TDRD1: variants seen among roughly 807,000 people sequenced by gnomAD.
TDRD1 encodes tudor domain containing 1.
Under a neutral mutation model 140.6 loss-of-function variants are expected in TDRD1, and 37 were observed. The observed-to-expected ratio is 0.26, with a 90% CI of 0.20 to 0.35. The LOEUF (loss-of-function observed/expected upper bound fraction) is 0.35, where lower values mean the gene tolerates loss of function less well. Among genes scored for constraint, TDRD1 ranks in the 10% least tolerant of loss-of-function variants. TDRD1 has a pLI of 1.00. For synonymous variants in TDRD1, 506 were observed against 475.7 expected, an observed-to-expected ratio of 1.06 and a Z score of -0.83; for missense variants, 1,243 against 1,393.0, an observed-to-expected ratio of 0.89 and a Z score of 1.71.
At chr10:114,213,920 C>T in intron 15 of TDRD1, 57 bp from the exon 16 acceptor site, 1 of 1,582,912 alleles carries the variant, frequency 6.3e-7, no homozygotes, top group East Asian at 2.2e-5. Context: ...TCAGCCACCC[C>T]AACCTCGCTA....
At chr10:114,230,434 TCA>T (rs1482346859) in intron 25 of TDRD1, among the ~76,000 whole-genome samples, 1 of 152,226 alleles carries the variant, frequency 6.6e-6, no homozygotes, top group Non-Finnish European at 1.5e-5. Flanking sequence ...TTACATCTAC[TCA>T]CATACTTAAT....
At chr10:114,185,211 A>G (rs1236582257) in intron 1 of TDRD1, among the ~76,000 whole-genome samples, 1 of 152,120 alleles carries the variant, frequency 6.6e-6, no homozygotes, top group Non-Finnish European at 1.5e-5. Flanking sequence ...TGTTTTTGAG[A>G]CAGAGTCTCA....
At chr10:114,226,595 G>A (rs937208780) in intron 22 of TDRD1, among the ~76,000 whole-genome samples, 24 of 152,224 alleles carry the variant, frequency 1.6e-4, no homozygotes, top group Admixed American at 2.6e-4. Context: ...GGGACTAAAG[G>A]CATTCACATG....
chr10:114,214,101 G>T, exon 16 of TDRD1: 1 of 1,613,414 alleles, frequency 6.2e-7, no homozygotes, highest in Non-Finnish European at 8.5e-7. Flanking sequence ...ATTGCCATGT[G>T]CTTAAAGAGG....
chr10:114,217,537 AT>A lies in TDRD1; in HGVS notation c.2213-4del. 2 of 1,456,244 alleles carry A rather than the reference AT, an allele frequency of 1.4e-6. No individual in the cohort carries two copies. Among genetic ancestry groups the A allele is most frequent in the South Asian group, 2.5e-5 (2 of 80,558 alleles). 90.2% of individuals were successfully genotyped at this position (1,456,244 alleles called of 1,614,324 possible). On this transcript the variant is annotated splice_region_variant and splice_polypyrimidine_tract_variant and intron_variant, in intron 16 of 25. Transcript: ENST00000251864. ...TTCTTAATTTTTTAATCCTATGTGT[AT>A]TTTCAGCTTTAAAGAAACTCAATGA...
chr10:114,219,217 C>T (rs1032711738), intron 18 of TDRD1, among the ~76,000 whole-genome samples: 5 of 152,144 alleles, frequency 3.3e-5, no homozygotes, highest in Admixed American at 1.3e-4. Flanking sequence ...AGACAATAGA[C>T]GTCAGAGCCA....
chr10:114,228,121 A>C, exon 25 of TDRD1: 1 of 1,588,686 alleles, frequency 6.3e-7, no homozygotes, highest in Non-Finnish European at 8.6e-7. Flanking sequence ...AAAAACTGTT[A>C]AAAAGTTAAG....
intron 11 of TDRD1, 122 bp downstream of exon 11, chr10:114,206,452 A>C: frequency 1.5e-6 from 1 of 648,282 alleles, no homozygotes. Flanking sequence ...CCTATGAGCA[A>C]TTTAAATACG....
At chr10:114,228,775 TAA>T (rs2036585215) in intron 25 of TDRD1, 1 of 985,372 alleles carries the variant, frequency 1.0e-6, no homozygotes, top group East Asian at 1.1e-4. Context: ...AATTTTTGAT[TAA>T]GAGCCAATTA....
intron 11 of TDRD1, among the ~76,000 whole-genome samples, chr10:114,206,782 T>A (rs534795987): frequency 6.6e-6 from 1 of 152,032 alleles, no homozygotes; most frequent in Admixed American, 6.5e-5. Context: ...CCCAGCTAAT[T>A]TTTTGTATTT....
At chr10:114,178,203 C>T (rs1000136737), upstream of TDRD1, among the ~76,000 whole-genome samples, 1 of 152,002 alleles carries the variant, frequency 6.6e-6, no homozygotes, top group Non-Finnish European at 1.5e-5. Context: ...ATTTAAAAGA[C>T]ACATCAACTA....
chr10:114,190,756 G>A (rs1176260022), intron 2 of TDRD1, among the ~76,000 whole-genome samples: 1 of 152,192 alleles, frequency 6.6e-6, no homozygotes, highest in Admixed American at 6.5e-5. Flanking sequence ...CCAAAGTGCT[G>A]GGATTATAGG....
chr10:114,185,855 C>T (rs2033477918), intron 1 of TDRD1, among the ~76,000 whole-genome samples: 1 of 152,216 alleles, frequency 6.6e-6, no homozygotes, highest in Admixed American at 6.5e-5. Flanking sequence ...TCCCAAAGTG[C>T]TTGAATTACA....
Position 114,204,707 on chromosome 10 carries a change from C to T in TDRD1, c.1126-15C>T, listed in dbSNP as rs774367914. The T allele has an allele frequency of 2.5e-5, 39 of 1,562,298 alleles. No individual in the cohort carries two copies. The highest frequency in any genetic ancestry group is 1.5e-4 in the South Asian group (12 of 78,028). On this transcript the variant is annotated splice_polypyrimidine_tract_variant and intron_variant, in intron 9 of 25. Transcript: ENST00000251864. Reference sequence around the variant, plus strand: ...AATGGTAATTTTTGTAAGTAACCTGCGTAAAATTTTTCAGGCCATAAAGTG... The same window carrying T: ...AATGGTAATTTTTGTAAGTAACCTGTGTAAAATTTTTCAGGCCATAAAGTG...
intron 4 of TDRD1, among the ~76,000 whole-genome samples, chr10:114,199,685 T>C (rs1386452935): frequency 6.6e-6 from 1 of 152,120 alleles, no homozygotes; most frequent in Non-Finnish European, 1.5e-5. Flanking sequence ...ATTTTGCCTG[T>C]CATAGAATTC....
chr10:114,231,412 A>G (rs1484732113), intron 25 of TDRD1: 13 of 1,239,012 alleles, frequency 1.0e-5, no homozygotes, highest in East Asian at 2.3e-5. Context: ...GTTTGCTTGT[A>G]TTTGAAATTA....
intron 3 of TDRD1, among the ~76,000 whole-genome samples, chr10:114,191,579 G>GAGTA (rs1391632271): frequency 6.6e-6 from 1 of 152,164 alleles, no homozygotes; most frequent in African/African-American, 2.4e-5. Flanking sequence ...TTTTATTGCT[G>GAGTA]AGTAGTATTC....
intron 4 of TDRD1, 36 bp from the exon 5 acceptor site, chr10:114,201,374 C>T (rs772201419): frequency 1.3e-6 from 2 of 1,539,360 alleles, no homozygotes; most frequent in Non-Finnish European, 1.8e-6. Context: ...ATGTCTTGAT[C>T]TTCATCTGAA....
chr10:114,207,111 T>G (rs1234194877), intron 11 of TDRD1, among the ~76,000 whole-genome samples: 1 of 152,256 alleles, frequency 6.6e-6, no homozygotes, highest in Non-Finnish European at 1.5e-5. Context: ...TTCAGCATTT[T>G]ACTTCCTCAT....
Sources: gnomAD v4.1 joint callset for allele counts (sites outside exome capture counted in the v4.1 genomes callset) on GRCh38, gnomAD v4.1.1 for gene constraint, MANE v1.5 for transcripts, NCBI Gene and HGNC (gene_info 2026-07-23, HGNC 2026-07-21) for gene names.